Variants in TBC1D2 observed in about 807,000 individuals in gnomAD.
TBC1D2 encodes TBC1 domain family member 2A.
A neutral mutation model predicts 91.1 loss-of-function variants in TBC1D2; 58 were observed. That is an observed-to-expected ratio of 0.64 (90% CI 0.52 to 0.79). The LOEUF is 0.79. Ranked by LOEUF, TBC1D2 falls within the 30% of genes least tolerant of loss-of-function variation. The probability of loss-of-function intolerance (pLI) is 0.00; values close to 1 mark genes in which losing one functional copy is unlikely to be tolerated. For synonymous variants in TBC1D2, 482 were observed against 511.5 expected (o/e 0.94, Z 0.78); for missense variants, 1,080 against 1,208.3 (o/e 0.89, Z 1.57).
At chr9:98,210,056 C>A (rs1470208779) in intron 8 of TBC1D2, among the ~76,000 whole-genome samples, 1 of 151,440 alleles carries the variant, frequency 6.6e-6, no homozygotes, top group Non-Finnish European at 1.5e-5. Flanking sequence ...AAACTCCTGG[C>A]CTCAAGCAAT....
intron 3 of TBC1D2, among the ~76,000 whole-genome samples, chr9:98,242,802 C>CTTT (rs1563988076): frequency 2.0e-5 from 2 of 99,844 alleles, no homozygotes; most frequent in East Asian, 2.5e-4. Context: ...CACACTGCTG[C>CTTT]CTTTTTTTTT....
rs981223424 is a variant in TBC1D2, at chr9:98,239,621, T to C, written c.647+4373A>G. Among the ~76,000 whole-genome samples the C allele has an allele frequency of 5.3e-5, 8 of 152,358 alleles. 1 individual carries two copies. Among genetic ancestry groups the C allele is most frequent in the Admixed American group, 3.9e-4 (6 of 15,294 alleles). On this transcript the variant is annotated intron_variant, in intron 3 of 12. Coordinates refer to ENST00000465784, the MANE Select transcript of TBC1D2 (RefSeq NM_001267571.2). Reference sequence around the variant, plus strand: ...CATCTGCCTTCATAAGGGATATTGGTCTGTATCTTTCTTATGATGTCTTTG... The same window carrying C: ...CATCTGCCTTCATAAGGGATATTGGCCTGTATCTTTCTTATGATGTCTTTG...
intron 6 of TBC1D2, among the ~76,000 whole-genome samples, chr9:98,216,609 G>A (rs868339362): frequency 1.3e-5 from 2 of 152,204 alleles, no homozygotes; most frequent in Non-Finnish European, 2.9e-5. Flanking sequence ...CAGCTCTGGC[G>A]CTGGCCACTG....
chr9:98,219,162 G>A (rs1377534808), intron 6 of TBC1D2, among the ~76,000 whole-genome samples: 2 of 152,206 alleles, frequency 1.3e-5, no homozygotes, highest in African/African-American at 2.4e-5. Context: ...CAGGTTTCAC[G>A]TCCTTTTCCT....
At position 98,243,576 on chromosome 9, in the gene TBC1D2, G is replaced by A. The variant is rs929210669; in HGVS notation, c.647+418C>T. Among the ~76,000 whole-genome samples the A allele has an allele frequency of 4.4e-5, 6 of 136,378 alleles. No homozygotes were observed. In the East Asian group the frequency reaches 8.2e-4, roughly 19 times the overall value. 89.5% of individuals were successfully genotyped at this position (136,378 alleles called of 152,430 possible). A position where few individuals can be genotyped will look rare whatever the true frequency, so the allele number is the denominator to read the frequency against. On this transcript the variant is annotated intron_variant, in intron 3 of 12. Coordinates refer to ENST00000465784, the MANE Select transcript of TBC1D2 (RefSeq NM_001267571.2). The stretch of plus-strand genomic sequence containing the variant: ...TTTGAGACAGAGTCTCACTCTTGTC[G>A]CCCAGGCTGGAGTGCAATGGTGCAA...
intron 4 of TBC1D2, among the ~76,000 whole-genome samples, chr9:98,233,013 T>G (rs1006205395): frequency 6.6e-6 from 1 of 152,198 alleles, no homozygotes; most frequent in African/African-American, 2.4e-5. Context: ...CGTGGTGGTA[T>G]TAACAGGTGG....
chr9:98,213,240 G>C, intron 6 of TBC1D2, 22 bp from the exon 7 acceptor site: 5 of 1,613,864 alleles, frequency 3.1e-6, no homozygotes, highest in Non-Finnish European at 4.2e-6. Flanking sequence ...AGTAAAATAT[G>C]TTATCAGTTG....
chr9:98,228,654 T>A lies in TBC1D2; in HGVS notation c.978+298A>T, dbSNP rs1227325506. ...CCAGATCACCTGCCTCTAAATAATG[T>A]CATTTTCTGGGTAGGGGGTGAGACC... On this transcript the variant is annotated intron_variant, in intron 5 of 12. Coordinates refer to ENST00000465784, the MANE Select transcript of TBC1D2 (RefSeq NM_001267571.2). This position sits in a 1 kb window ranked among gnomAD's most constrained non-coding sequence, Gnocchi z 4.0. Among the ~76,000 whole-genome samples the A allele has an allele frequency of 6.6e-6, 1 of 152,104 alleles. No homozygotes were observed. The highest frequency in any genetic ancestry group is 6.5e-5 in the Admixed American group (1 of 15,268).
At chr9:98,213,378 C>T in intron 6 of TBC1D2, 160 bp from the exon 7 acceptor site, 1 of 1,444,354 alleles carries the variant, frequency 6.9e-7, no homozygotes, top group South Asian at 1.5e-5. Context: ...ATACTCATAG[C>T]ACCCTTCTCT....
At chr9:98,222,546 C>T (rs891499812) in intron 5 of TBC1D2, among the ~76,000 whole-genome samples, 3 of 152,348 alleles carry the variant, frequency 2.0e-5, no homozygotes, top group South Asian at 4.1e-4. Flanking sequence ...TGCTCAGCTC[C>T]CTGTGCCTTT....
rs553918334 is a variant in TBC1D2, at chr9:98,248,047, A to G, written c.511+3738T>C. On this transcript the variant is annotated intron_variant, in intron 2 of 12. Transcript: ENST00000465784. ...TTGTCATCACTGGTAGGTTTTACCA[A>G]TGAGGAAATAGCCACTCAGAGAGGT... 2.0e-5 allele frequency among the ~76,000 whole-genome samples: 3 copies of G among 152,344 alleles called. No homozygotes were observed. The South Asian group carries it at 6.2e-4, about 32-fold the overall frequency.
At chr9:98,225,975 C>T (rs183886303) in intron 5 of TBC1D2, among the ~76,000 whole-genome samples, 9 of 152,210 alleles carry the variant, frequency 5.9e-5, no homozygotes, top group Non-Finnish European at 8.8e-5. Flanking sequence ...ACTAAAGAAA[C>T]ACAGGAAGGT....
intron 9 of TBC1D2, among the ~76,000 whole-genome samples, chr9:98,203,858 T>G (rs1010952140): frequency 6.6e-6 from 1 of 152,198 alleles, no homozygotes; most frequent in African/African-American, 2.4e-5. Flanking sequence ...CTTTGAGACC[T>G]TGGCAAGTAC....
At chr9:98,224,622 T>C (rs1317753075) in intron 5 of TBC1D2, among the ~76,000 whole-genome samples, 1 of 152,172 alleles carries the variant, frequency 6.6e-6, no homozygotes, top group Non-Finnish European at 1.5e-5. Flanking sequence ...AGTTGTTTGG[T>C]TCATCTCAGA....
intron 5 of TBC1D2, 45 bp from the exon 6 acceptor site, chr9:98,221,273 G>C (rs760442885): frequency 5.4e-6 from 8 of 1,490,658 alleles, no homozygotes; most frequent in Non-Finnish European, 7.2e-6. Flanking sequence ...GGGAGGGCCT[G>C]CTGGGCGCCA....
chr9:98,243,487 G>A (rs1829694824), intron 3 of TBC1D2, among the ~76,000 whole-genome samples: 1 of 149,334 alleles, frequency 6.7e-6, no homozygotes, highest in Non-Finnish European at 1.5e-5. Flanking sequence ...CCTTCCAGAT[G>A]TTTCTGATTT....
At chr9:98,224,356 C>T (rs916022348) in intron 5 of TBC1D2, among the ~76,000 whole-genome samples, 1 of 150,318 alleles carries the variant, frequency 6.7e-6, no homozygotes, top group African/African-American at 2.5e-5. Flanking sequence ...AATCACGGCC[C>T]ACCGCAGCCT....
chr9:98,202,686 G>A (rs1227442035), intron 10 of TBC1D2, among the ~76,000 whole-genome samples: 4 of 152,196 alleles, frequency 2.6e-5, no homozygotes, highest in Non-Finnish European at 5.9e-5. Flanking sequence ...CTGAAGCCAG[G>A]TAATGGACAC....
At position 98,229,089 on chromosome 9, in the gene TBC1D2, C is replaced by A. The variant is rs140213506; in HGVS notation, c.841G>T (p.Ala281Ser). ...APKPSLTISF[A>S]QKAKRQNNTF... ...TTGTTCTGGCGCTTGGCTTTCTGAG[C>A]GAAACTGATGGTCAGAGAAGGCTTG... The change falls in exon 5 of 13, where the codon GCT becomes TCT. Residue 281 changes from alanine (A) to serine (S), a missense_variant. Physicochemically the swap from Ala to Ser is moderately conservative, Grantham distance 99. Coordinates refer to ENST00000465784, the MANE Select transcript of TBC1D2 (RefSeq NM_001267571.2). 1 of 1,614,056 alleles carries A rather than the reference C, an allele frequency of 6.2e-7. No individual in the cohort carries two copies.
Sources: allele counts gnomAD v4.1 joint callset (sites outside exome capture counted in the v4.1 genomes callset), GRCh38; gene constraint gnomAD v4.1.1; non-coding constraint Gnocchi (gnomAD v3.1); transcripts MANE v1.5; gene names NCBI Gene and HGNC (gene_info 2026-07-23, HGNC 2026-07-21).